The following TMEM131 variants were observed in gnomAD, a reference collection of about 807,000 sequenced individuals.
TMEM131 encodes the protein transmembrane protein 131, also known as 2610524E03Rik.
Under a neutral mutation model 211.6 loss-of-function variants are expected in TMEM131, and 66 were observed. The observed-to-expected ratio is 0.31, with a 90% CI of 0.26 to 0.38. The LOEUF is 0.38. TMEM131 is among the 10% of genes least tolerant of loss of function. The pLI is 1.00. For synonymous variants in TMEM131, 844 were observed against 841.3 expected (o/e 1.00, Z -0.06); for missense variants, 2,036 against 2,299.3 (o/e 0.89, Z 2.34).
At chr2:97,974,877 T>G (rs577906498) in intron 1 of TMEM131, among the ~76,000 whole-genome samples, 1 of 152,078 alleles carries the variant, frequency 6.6e-6, no homozygotes, top group East Asian at 1.9e-4. Flanking sequence ...TGATACCAGG[T>G]GGAATACAGA....
At chr2:97,850,719 C>A (rs1673589460) in intron 5 of TMEM131, among the ~76,000 whole-genome samples, 1 of 151,976 alleles carries the variant, frequency 6.6e-6, no homozygotes, top group Non-Finnish European at 1.5e-5. Context: ...TAAAAAAAAT[C>A]TAAAATGTTC....
At chr2:97,838,241 C>T (rs1327196369) in intron 7 of TMEM131, among the ~76,000 whole-genome samples, 12 of 151,086 alleles carry the variant, frequency 7.9e-5, no homozygotes, top group Admixed American at 7.9e-4. Flanking sequence ...GGTCACAAGG[C>T]AGGAGACCTT....
intron 36 of TMEM131, 98 bp from the exon 37 acceptor site, chr2:97,761,012 C>G: frequency 6.6e-7 from 1 of 1,512,720 alleles, no homozygotes; most frequent in South Asian, 1.2e-5. Context: ...GTGGGCTTCT[C>G]TGCAGCGGGG....
chr2:97,804,941 T>A, intron 22 of TMEM131, 147 bp downstream of exon 22: 1 of 553,404 alleles, frequency 1.8e-6, no homozygotes, highest in Non-Finnish European at 3.2e-6. Flanking sequence ...CAATTTAAGA[T>A]GCCTCACTAA....
At chr2:97,895,293 C>T (rs867154072) in intron 3 of TMEM131, among the ~76,000 whole-genome samples, 2 of 152,198 alleles carry the variant, frequency 1.3e-5, no homozygotes, top group Middle Eastern at 3.4e-3. Context: ...TGAGGCTTCT[C>T]GCATCGATGT....
At chr2:97,819,389 A>G (rs552894978) in intron 11 of TMEM131, among the ~76,000 whole-genome samples, 2 of 152,334 alleles carry the variant, frequency 1.3e-5, no homozygotes, top group African/African-American at 4.8e-5. Context: ...AATACATTTT[A>G]AGGTACAGTT....
At chr2:97,987,427 C>T (rs556361849) in intron 1 of TMEM131, among the ~76,000 whole-genome samples, 21 of 152,054 alleles carry the variant, frequency 1.4e-4, no homozygotes, top group South Asian at 6.2e-4. Flanking sequence ...CGCTTGAACC[C>T]GGGAGACAGA....
chr2:97,959,266 C>G (rs1678708963), intron 1 of TMEM131, among the ~76,000 whole-genome samples: 1 of 152,082 alleles, frequency 6.6e-6, no homozygotes, highest in Admixed American at 6.5e-5. Context: ...GGAGCTGACG[C>G]TGGAGGGTCT....
rs1209044297 is a variant in TMEM131 at position 97,766,403 on chromosome 2, T to G, written c.4573+75A>C. On this transcript the variant is annotated intron_variant, in intron 34 of 40. Transcript: ENST00000186436. ...ATAACTACTGACTGCTTACTGATAATGCACAACAATTGTTAATACGGTGCA... is the reference window on the plus strand; with the variant it reads ...ATAACTACTGACTGCTTACTGATAAGGCACAACAATTGTTAATACGGTGCA... 4.4e-6 allele frequency: 7 copies of G among 1,606,808 alleles called. No individual in the cohort carries two copies. In the Middle Eastern group the frequency reaches 8.3e-4, roughly 190 times the overall value.
At chr2:97,873,634 T>C (rs1234484977) in intron 4 of TMEM131, among the ~76,000 whole-genome samples, 2 of 152,010 alleles carry the variant, frequency 1.3e-5, no homozygotes, top group Non-Finnish European at 2.9e-5. Context: ...TCCAGCAAAC[T>C]CCAGCAGACC....
chr2:97,821,751 G>A (rs796219598), intron 11 of TMEM131, among the ~76,000 whole-genome samples: 27 of 152,212 alleles, frequency 1.8e-4, no homozygotes, highest in African/African-American at 4.6e-4. Flanking sequence ...GCTAAATACC[G>A]GACACCTGTC....
chr2:97,873,962 C>A (rs1481481452), intron 4 of TMEM131, among the ~76,000 whole-genome samples: 1 of 151,946 alleles, frequency 6.6e-6, no homozygotes, highest in African/African-American at 2.4e-5. Flanking sequence ...TGCAAGGAAG[C>A]CAAGAACTTT....
chr2:97,852,858 C>T (rs1205339652), intron 5 of TMEM131, among the ~76,000 whole-genome samples: 1 of 152,186 alleles, frequency 6.6e-6, no homozygotes, highest in Non-Finnish European at 1.5e-5. Context: ...AAGTTGAAGC[C>T]AGTGCTCATC....
chr2:97,953,722 C>T (rs894680608), intron 1 of TMEM131, among the ~76,000 whole-genome samples: 4 of 152,118 alleles, frequency 2.6e-5, no homozygotes, highest in South Asian at 4.1e-4. Flanking sequence ...TTTAAGCTAC[C>T]GTGGACCATG....
intron 4 of TMEM131, among the ~76,000 whole-genome samples, chr2:97,877,608 A>G (rs970870850): frequency 2.0e-5 from 3 of 152,146 alleles, no homozygotes; most frequent in African/African-American, 7.2e-5. Flanking sequence ...AATGCAGAAA[A>G]GATTCCCTAT....
At chr2:97,826,085 G>C (rs1682369184) in intron 11 of TMEM131, among the ~76,000 whole-genome samples, 1 of 152,218 alleles carries the variant, frequency 6.6e-6, no homozygotes. Flanking sequence ...CACCTGAGAT[G>C]ATCTCTTAGA....
In TMEM131 at chr2:97,815,285, A is replaced by C. The variant is rs754969442; in HGVS notation, c.1206T>G (p.Ser402=). 20 of 1,572,908 alleles carry C rather than the reference A, an allele frequency of 1.3e-5. No individual in the cohort carries two copies. The highest frequency in any genetic ancestry group is 1.7e-5 in the Non-Finnish European group (20 of 1,168,436). ...TAACTGTTATTTTCCCAGAAAACTG[A>C]GATGGCTTTTTTGCCTTCGATGCTG... ...SFDASKAKKP[S]QFSGKITVKA... Residue 402 remains serine, a synonymous_variant, in exon 13 of 41, where the codon TCT becomes TCG. Coordinates refer to ENST00000186436, the MANE Select transcript of TMEM131 (RefSeq NM_015348.2).
Position 97,914,847 on chromosome 2 carries a change from T to A in TMEM131, c.250-6149A>T, listed in dbSNP as rs182772995. 3.0e-3 allele frequency among the ~76,000 whole-genome samples: 462 copies of A among 152,386 alleles called. 1 individual carries two copies. Among genetic ancestry groups the A allele is most frequent in the Non-Finnish European group, 5.3e-3 (363 of 68,040 alleles). On this transcript the variant is annotated intron_variant, in intron 2 of 40. Coordinates refer to ENST00000186436, the MANE Select transcript of TMEM131 (RefSeq NM_015348.2). ...GAGCTGCTATGAACATTTATATACA[T>A]GTTTTAATGCAAATATAAATTTTCA...
intron 15 of TMEM131, 94 bp downstream of exon 15, chr2:97,813,877 T>G: frequency 9.8e-7 from 1 of 1,025,136 alleles, no homozygotes; most frequent in East Asian, 2.7e-5. Flanking sequence ...GCACAAATAA[T>G]GGCAAACCGT....
Sources: gnomAD v4.1 joint callset for allele counts (sites outside exome capture counted in the v4.1 genomes callset) on GRCh38, gnomAD v4.1.1 for gene constraint, MANE v1.5 for transcripts, NCBI Gene and HGNC (gene_info 2026-07-23, HGNC 2026-07-21) for gene names.